Variants in ADAMTS7 observed in about 807,000 individuals in gnomAD.
The protein encoded by ADAMTS7 is ADAM metallopeptidase with thrombospondin type 1 motif 7, also known as A disintegrin and metalloproteinase with thrombospondin motifs 7.
A neutral mutation model predicts 172.6 loss-of-function variants in ADAMTS7; 89 were observed. The ratio of observed to expected loss-of-function variants is 0.52; its 90% CI spans 0.43 to 0.61. The LOEUF (loss-of-function observed/expected upper bound fraction) is 0.61. Among genes scored for constraint, ADAMTS7 ranks in the 20% least tolerant of loss-of-function variants. ADAMTS7 has a pLI of 0.00. For missense variants in ADAMTS7, 1,973 were observed against 2,355.6 expected (o/e 0.84, Z 3.36); for synonymous variants, 885 against 978.4 (o/e 0.90, Z 1.78).
rs2055133764 is a variant in ADAMTS7, at chr15:78,765,840, C to G, written c.4071G>C (p.Lys1357Asn). The G allele has an allele frequency of 3.2e-6, 5 of 1,576,086 alleles. No homozygotes were observed. Among genetic ancestry groups the G allele is most frequent in the Non-Finnish European group, 4.3e-6 (5 of 1,161,488 alleles). ...MPEPALNPGPKGQPESLSPEV... is the reference protein window; with the variant it reads ...MPEPALNPGPNGQPESLSPEV... ...CAGGGCTGAGGGACTCAGGCTGACC[C>G]TTGGGTCCTGGGTTCAGGGCAGGCT... Residue 1357 changes from lysine to asparagine, a missense_variant, in exon 19 of 24, where the codon AAG (lysine) becomes AAC (asparagine). Around this residue, in one of 8 missense-constraint regions of ADAMTS7, gnomAD observed 771 missense variants for 952.6 expected, o/e 0.81. Transcript: ENST00000388820.
At chr15:78,763,389 G>A (rs1158570942) in intron 22 of ADAMTS7, among the ~76,000 whole-genome samples, 2 of 152,154 alleles carry the variant, frequency 1.3e-5, no homozygotes, top group Admixed American at 6.5e-5. Flanking sequence ...CCTCAAGCTC[G>A]TCATTCCTGC....
chr15:78,799,837 CTT>C (rs563089296), intron 2 of ADAMTS7, among the ~76,000 whole-genome samples: 2 of 145,602 alleles, frequency 1.4e-5, no homozygotes. Flanking sequence ...TTCTTTCTTT[CTT>C]TTTTTTTTTT....
intron 1 of ADAMTS7, among the ~76,000 whole-genome samples, chr15:78,808,441 G>C (rs2055823849): frequency 6.6e-6 from 1 of 152,200 alleles, no homozygotes; most frequent in East Asian, 1.9e-4. Flanking sequence ...TCACCATGTT[G>C]GCCAGGCTGG....
At position 78,763,988 on chromosome 15, in the gene ADAMTS7, GCGGCTTGGCAGGCC is replaced by G; in HGVS notation, c.4517_4530del (p.Gly1506AlafsTer30). 1 of 1,545,986 alleles carries G rather than the reference GCGGCTTGGCAGGCC, an allele frequency of 6.5e-7. No individual in the cohort carries two copies. The highest frequency in any genetic ancestry group is 1.2e-5 in the South Asian group (1 of 83,074). On this transcript the variant is annotated frameshift_variant, in exon 21 of 24. Coordinates refer to ENST00000388820, the MANE Select transcript of ADAMTS7 (RefSeq NM_014272.5). LOFTEE classifies it high-confidence loss of function. ...TGGGCCCCGCAGGGCCGGTGCGCAGGCGGCTTGGCAGGCCCGGGCTGACAATGGAAGGGCCGCAG... is the reference window on the plus strand; with the variant it reads ...TGGGCCCCGCAGGGCCGGTGCGCAGGCGGGCTGACAATGGAAGGGCCGCAG...
In ADAMTS7 at chr15:78,759,536, A is replaced by G; in HGVS notation, c.4946T>C (p.Leu1649Pro). ...DRLSFGFCET[L>P]RLLGRCQLPT... Reference sequence around the variant, plus strand: ...CAGCTGGCAGCGGCCCAGTAGGCGCAGCGTCTCGCAGAACCCGAAGGACAG... The same window carrying G: ...CAGCTGGCAGCGGCCCAGTAGGCGCGGCGTCTCGCAGAACCCGAAGGACAG... Residue 1649 changes from leucine to proline, a missense_variant, in exon 24 of 24, where the codon CTG becomes CCG. Physicochemically the swap from Leu to Pro is moderately conservative, Grantham distance 98. Transcript: ENST00000388820. The G allele has an allele frequency of 1.3e-6, 2 of 1,595,604 alleles. No homozygotes were observed. The highest frequency in any genetic ancestry group is 1.7e-6 in the Non-Finnish European group (2 of 1,176,506).
chr15:78,777,766 C>T (rs1255219300), intron 8 of ADAMTS7, among the ~76,000 whole-genome samples, 178 bp from the exon 9 acceptor site: 1 of 152,304 alleles, frequency 6.6e-6, no homozygotes, highest in Middle Eastern at 3.4e-3. Flanking sequence ...CAGCACAGGC[C>T]CTCCCGGCCT....
At position 78,769,807 on chromosome 15, in the gene ADAMTS7, G is replaced by A. The variant is rs200231071; in HGVS notation, c.2518+1355C>T. Among the ~76,000 whole-genome samples the A allele has an allele frequency of 5.8e-3, 882 of 152,388 alleles. 5 individuals carry two copies. The highest frequency in any genetic ancestry group is 0.011 in the South Asian group (53 of 4,832). On this transcript the variant is annotated intron_variant, in intron 16 of 23. Coordinates refer to ENST00000388820, the MANE Select transcript of ADAMTS7 (RefSeq NM_014272.5). ...GAAGCAGCCAATTTGCTGAAAGACA[G>A]TTCCCCAAATGTCTAGTGCTGCAAG...
At chr15:78,796,285 T>C (rs1410072288) in intron 4 of ADAMTS7, among the ~76,000 whole-genome samples, 2 of 152,118 alleles carry the variant, frequency 1.3e-5, no homozygotes, top group Admixed American at 1.3e-4. Context: ...CCAACTAGTC[T>C]ACAAGCCCCC....
chr15:78,765,886 G>C lies in ADAMTS7; in HGVS notation c.4025C>G (p.Thr1342Ser). Residue 1342 changes from threonine to serine, a missense_variant, in exon 19 of 24, where the codon ACT (threonine) becomes AGT (serine). By Grantham distance (58) the Thr-to-Ser change is moderately conservative (BLOSUM62 1). Around this residue, in one of 8 missense-constraint regions of ADAMTS7, gnomAD observed 771 missense variants for 952.6 expected, o/e 0.81. Coordinates refer to ENST00000388820, the MANE Select transcript of ADAMTS7 (RefSeq NM_014272.5). ...AGGCTCAGGCATGTGCCCGAGGCCA[G>C]TCAGGGTTGTGGGGAGGAAGGTCCC... Reference protein sequence around the residue: ...VWGTFLPTTLTGLGHMPEPAL... With the variant: ...VWGTFLPTTLSGLGHMPEPAL... 3 of 1,573,838 alleles carry C rather than the reference G, an allele frequency of 1.9e-6. No homozygotes were observed. The highest frequency in any genetic ancestry group is 2.6e-6 in the Non-Finnish European group (3 of 1,159,900).
At chr15:78,805,742 T>A (rs1401181928) in intron 1 of ADAMTS7, among the ~76,000 whole-genome samples, 3 of 152,078 alleles carry the variant, frequency 2.0e-5, no homozygotes, top group Non-Finnish European at 4.4e-5. Flanking sequence ...GGGCACTAGG[T>A]GCTCCAAAGT....
intron 4 of ADAMTS7, among the ~76,000 whole-genome samples, chr15:78,792,370 G>A (rs947243695): frequency 2.6e-5 from 4 of 152,178 alleles, no homozygotes; most frequent in African/African-American, 7.2e-5. Flanking sequence ...CGTCTGCTCA[G>A]TTGTTGAGGT....
intron 8 of ADAMTS7, among the ~76,000 whole-genome samples, chr15:78,782,960 C>T (rs1475719891): frequency 6.6e-6 from 1 of 150,806 alleles, no homozygotes; most frequent in African/African-American, 2.4e-5. Flanking sequence ...ACATGAAGGC[C>T]CAAGGCAGAA....
intron 3 of ADAMTS7, 79 bp from the exon 4 acceptor site, chr15:78,796,865 G>T: frequency 1.5e-6 from 2 of 1,335,852 alleles, no homozygotes; most frequent in Non-Finnish European, 2.0e-6. Flanking sequence ...TCCTCAGTGA[G>T]CTCTCTCTGG....
At chr15:78,783,370 A>G (rs1488466278) in intron 8 of ADAMTS7, among the ~76,000 whole-genome samples, 1 of 152,132 alleles carries the variant, frequency 6.6e-6, no homozygotes, top group Non-Finnish European at 1.5e-5. Context: ...CCCGGGTTCA[A>G]GCGATTCTCC....
At chr15:78,759,645 G>A (rs534316613) in intron 23 of ADAMTS7, 67 bp from the exon 24 acceptor site, 24 of 1,458,542 alleles carry the variant, frequency 1.6e-5, no homozygotes, top group African/African-American at 8.5e-5. Flanking sequence ...GGCTCCCTAC[G>A]CCAACCACCT....
intron 1 of ADAMTS7, among the ~76,000 whole-genome samples, chr15:78,806,990 C>T (rs556949422): frequency 6.6e-6 from 1 of 152,348 alleles, no homozygotes; most frequent in African/African-American, 2.4e-5. Flanking sequence ...TGGTCTCGAA[C>T]TCCTGACCTC....
At position 78,764,111 on chromosome 15, in the gene ADAMTS7, G is replaced by C; in HGVS notation, c.4420-12C>G. The C allele has an allele frequency of 6.6e-7, 1 of 1,519,898 alleles. No individual in the cohort carries two copies. The highest frequency in any genetic ancestry group is 1.3e-5 in the South Asian group (1 of 79,928). The allele number at this position is 1,519,898 out of a possible 1,614,324, so 94.2% of individuals were successfully genotyped here. ...CAGCTGCGGGAGCACTGGGGACCGA[G>C]AGACGTGTATGGACACATCCCCATG... On this transcript the variant is annotated splice_polypyrimidine_tract_variant and intron_variant, in intron 20 of 23. Coordinates refer to ENST00000388820, the MANE Select transcript of ADAMTS7 (RefSeq NM_014272.5).
chr15:78,783,110 A>G (rs2055454348), intron 8 of ADAMTS7, among the ~76,000 whole-genome samples: 2 of 152,234 alleles, frequency 1.3e-5, no homozygotes, highest in South Asian at 2.1e-4. Flanking sequence ...ATCACTCAGA[A>G]AAATGACCTC....
rs1294841314 is a variant in ADAMTS7, at chr15:78,771,375, C to T, written c.2377-72G>A. 3.1e-6 allele frequency: 5 copies of T among 1,605,716 alleles called. No individual in the cohort carries two copies. In the South Asian group the frequency reaches 4.4e-5, roughly 14 times the overall value. On this transcript the variant is annotated intron_variant, in intron 15 of 23. Coordinates refer to ENST00000388820, the MANE Select transcript of ADAMTS7 (RefSeq NM_014272.5). This position sits in a 1 kb window ranked among gnomAD's most constrained non-coding sequence, Gnocchi z 4.9. ...CCACCCAGTCCTAAAGGAGCTGACC[C>T]CAGCCACCTCTGTGAACTGCAGCTA...
Sources: gnomAD v4.1 joint callset for allele counts (sites outside exome capture counted in the v4.1 genomes callset) on GRCh38, gnomAD v4.1.1 for gene constraint, gnomAD v4.1.1 regional missense constraint, Gnocchi (gnomAD v3.1) non-coding constraint, MANE v1.5 for transcripts, NCBI Gene and HGNC (gene_info 2026-07-23, HGNC 2026-07-21) for gene names.